The following ATR variants were observed in gnomAD, a reference collection of about 807,000 sequenced individuals.
ATR encodes serine/threonine-protein kinase ATR.
ATR carries 142 observed loss-of-function variants against 305.3 expected under a neutral mutation model. That is an observed-to-expected ratio of 0.47 (90% CI 0.41 to 0.53). The LOEUF (loss-of-function observed/expected upper bound fraction) is 0.53, where lower values mean the gene tolerates loss of function less well. ATR is among the 20% of genes least tolerant of loss of function. The pLI, the probability that ATR is intolerant of heterozygous loss-of-function variation, is 0.00. For missense variants in ATR, 2,135 were observed against 3,133.1 expected (o/e 0.68, Z 7.60); for synonymous variants, 1,050 against 1,068.1 (o/e 0.98, Z 0.33).
At chr3:142,499,358 G>A (rs1348138449) in intron 31 of ATR, among the ~76,000 whole-genome samples, 3 of 151,250 alleles carry the variant, frequency 2.0e-5, no homozygotes, top group Non-Finnish European at 4.4e-5. Flanking sequence ...GCAGTGGCGC[G>A]ATCTCAGCTC....
At chr3:142,553,539 A>AT in intron 12 of ATR, 101 bp downstream of exon 12, 1 of 1,452,768 alleles carries the variant, frequency 6.9e-7, no homozygotes, top group East Asian at 2.3e-5. Context: ...CATTTTGTCT[A>AT]TAATATCACA....
chr3:142,550,915 G>A (rs1006487453), intron 13 of ATR, among the ~76,000 whole-genome samples: 2 of 152,036 alleles, frequency 1.3e-5, no homozygotes, highest in African/African-American at 4.8e-5. Context: ...AGCCTCCTGA[G>A]TAGCTGGGAT....
In ATR at chr3:142,561,779, C is replaced by A. The variant is rs552224791; in HGVS notation, c.1171-358G>T. Among the ~76,000 whole-genome samples the A allele has an allele frequency of 5.3e-4, 80 of 152,266 alleles. No individual in the cohort carries two copies. In the South Asian group the frequency reaches 0.011, roughly 21 times the overall value. On this transcript the variant is annotated intron_variant, in intron 4 of 46. Coordinates refer to ENST00000350721, the MANE Select transcript of ATR (RefSeq NM_001184.4). ...ACTAAAATATTTAATCAAGTTACTG[C>A]ATCTCTGATGATTTTATTGTATTAC...
chr3:142,492,763 T>C (rs569197709), intron 35 of ATR, among the ~76,000 whole-genome samples: 49 of 152,262 alleles, frequency 3.2e-4, no homozygotes, highest in African/African-American at 9.4e-4. Flanking sequence ...CATTGACCCA[T>C]GGATTATTGA....
intron 41 of ATR, among the ~76,000 whole-genome samples, chr3:142,463,970 C>T (rs1386541929): frequency 6.6e-6 from 1 of 152,144 alleles, no homozygotes; most frequent in Non-Finnish European, 1.5e-5. Flanking sequence ...AAGACATACA[C>T]TATGCATCTA....
chr3:142,466,544 A>T lies in ATR; in HGVS notation c.6688-11T>A. 6.2e-7 allele frequency: 1 copy of T among 1,606,744 alleles called. No homozygotes were observed. The highest frequency in any genetic ancestry group is 8.5e-7 in the Non-Finnish European group (1 of 1,174,494). ...ACTACTTCCATCAACCTGAAAAAAT[A>T]AATAGTGCATTTTAATTTGTTTTTA... On this transcript the variant is annotated splice_polypyrimidine_tract_variant and intron_variant, in intron 39 of 46. Coordinates refer to ENST00000350721, the MANE Select transcript of ATR (RefSeq NM_001184.4).
At chr3:142,549,930 C>T (rs2034414034) in intron 14 of ATR, among the ~76,000 whole-genome samples, 1 of 152,148 alleles carries the variant, frequency 6.6e-6, no homozygotes, top group Non-Finnish European at 1.5e-5. Flanking sequence ...CATAAGGGCT[C>T]AAATAGCTAA....
chr3:142,535,421 AT>A, intron 20 of ATR, among the ~76,000 whole-genome samples: 1 of 152,114 alleles, frequency 6.6e-6, no homozygotes, highest in East Asian at 1.9e-4. Context: ...CTGGAGAAAA[AT>A]TTTATCCCAA....
intron 21 of ATR, among the ~76,000 whole-genome samples, chr3:142,532,672 C>T (rs1015560413): frequency 1.3e-5 from 2 of 152,116 alleles, no homozygotes; most frequent in Non-Finnish European, 2.9e-5. Flanking sequence ...TTCCTATCAC[C>T]ACCTCTTGGA....
chr3:142,563,053 G>A lies in ATR; in HGVS notation c.349C>T (p.His117Tyr). The change falls in exon 4 of 47, where the codon CAT becomes TAT. Residue 117 changes from histidine (H) to tyrosine (Y), a missense_variant. By Grantham distance (83) the His-to-Tyr change is moderately conservative. Around this residue, in one of 9 missense-constraint regions of ATR, gnomAD observed 744 missense variants for 873.2 expected, o/e 0.85. Transcript: ENST00000350721. ...TCACAGATTTTCTTGTGTAACAAAT[G>A]ACAGGAGGGAGTTGCTGCAATCCGC... Reference protein sequence around the residue: ...LLRIAATPSCHLLHKKICEVI... With the variant: ...LLRIAATPSCYLLHKKICEVI... 1 of 1,600,436 alleles carries A rather than the reference G, an allele frequency of 6.2e-7. No homozygotes were observed. Among genetic ancestry groups the A allele is most frequent in the Non-Finnish European group, 8.5e-7 (1 of 1,176,182 alleles).
At chr3:142,473,000 C>T (rs1338479450) in intron 36 of ATR, among the ~76,000 whole-genome samples, 1 of 152,098 alleles carries the variant, frequency 6.6e-6, no homozygotes, top group Non-Finnish European at 1.5e-5. Context: ...GGCTATTAAC[C>T]CCCTATCAGA....
rs2030840898 is a variant in ATR at position 142,485,288 on chromosome 3, A to T, written c.6079-6T>A. On this transcript the variant is annotated splice_region_variant and splice_polypyrimidine_tract_variant and intron_variant, in intron 35 of 46. Coordinates refer to ENST00000350721, the MANE Select transcript of ATR (RefSeq NM_001184.4). Reference sequence around the variant, plus strand: ...GGCAGGCACGCGGTCACATCCTATAAAAAAGAACATAGGATACCTACCTAA... The same window carrying T: ...GGCAGGCACGCGGTCACATCCTATATAAAAGAACATAGGATACCTACCTAA... 6.2e-7 allele frequency: 1 copy of T among 1,614,002 alleles called. No individual in the cohort carries two copies.
chr3:142,451,088 T>C, intron 46 of ATR: 3 of 1,278,362 alleles, frequency 2.3e-6, no homozygotes, highest in Non-Finnish European at 3.0e-6. Context: ...TTTGTCTACC[T>C]GGTCAATTGT....
intron 36 of ATR, among the ~76,000 whole-genome samples, chr3:142,480,233 C>G (rs2030322969): frequency 6.6e-6 from 1 of 152,156 alleles, no homozygotes; most frequent in African/African-American, 2.4e-5. Flanking sequence ...TACCTTTGGT[C>G]TTTGATGATA....
intron 21 of ATR, among the ~76,000 whole-genome samples, chr3:142,525,689 C>CT (rs1424709959): frequency 6.6e-6 from 1 of 152,104 alleles, no homozygotes; most frequent in African/African-American, 2.4e-5. Flanking sequence ...AGTTCTTTCT[C>CT]TATTAGTTCA....
rs749552840 is a variant in ATR, at chr3:142,468,558, G to C, written c.6553-490C>G. Among the ~76,000 whole-genome samples, 15 of 152,062 alleles carry C rather than the reference G, an allele frequency of 9.9e-5. No homozygotes were observed. Among genetic ancestry groups the C allele is most frequent in the Non-Finnish European group, 1.0e-4 (7 of 68,004 alleles). ...AATAAAATTACATCAAAACATTAAT[G>C]AATGGCCCAAGGTGTGAATTTTAAT... On this transcript the variant is annotated intron_variant, in intron 38 of 46. Coordinates refer to ENST00000350721, the MANE Select transcript of ATR (RefSeq NM_001184.4).
At chr3:142,470,457 A>C (rs568625996) in intron 36 of ATR, among the ~76,000 whole-genome samples, 1 of 152,188 alleles carries the variant, frequency 6.6e-6, no homozygotes, top group East Asian at 1.9e-4. Context: ...AAAGTCTATC[A>C]ATACTTCTTT....
intron 21 of ATR, among the ~76,000 whole-genome samples, chr3:142,527,929 A>G (rs916119580): frequency 2.0e-5 from 3 of 152,100 alleles, no homozygotes; most frequent in Non-Finnish European, 2.9e-5. Context: ...TCTACTTTCT[A>G]TCTCTATGGA....
chr3:142,466,847 G>T (rs2071142642), intron 39 of ATR, among the ~76,000 whole-genome samples: 2 of 152,062 alleles, frequency 1.3e-5, no homozygotes, highest in South Asian at 4.1e-4. Flanking sequence ...TACTCCAACA[G>T]GTTACCCTCA....
Sources: allele counts gnomAD v4.1 joint callset (sites outside exome capture counted in the v4.1 genomes callset), GRCh38; gene constraint gnomAD v4.1.1; regional missense constraint gnomAD v4.1.1; transcripts MANE v1.5; gene names NCBI Gene and HGNC (gene_info 2026-07-23, HGNC 2026-07-21).